The following KL variants were observed in gnomAD, a reference collection of about 807,000 sequenced individuals.
KL encodes alpha-klotho.
KL carries 62 observed loss-of-function variants against 84.2 expected under a neutral mutation model. The observed-to-expected ratio is 0.74, with a 90% CI of 0.60 to 0.91. The LOEUF (loss-of-function observed/expected upper bound fraction) is 0.91. Among genes scored for constraint, KL ranks in the 40% least tolerant of loss-of-function variants. The probability of loss-of-function intolerance (pLI) is 0.00; values close to 1 mark genes in which losing one functional copy is unlikely to be tolerated. For synonymous variants in KL, 528 were observed against 528.0 expected (o/e 1.00, Z 0.00); for missense variants, 1,261 against 1,305.7 (o/e 0.97, Z 0.53).
chr13:33,019,732 TGAGAGAGA>T (rs59216104), intron 1 of KL, among the ~76,000 whole-genome samples: 1 of 133,368 alleles, frequency 7.5e-6, no homozygotes, highest in Non-Finnish European at 1.6e-5. Flanking sequence ...TGTGTGTGTG[TGAGAGAGA>T]GAGAGAGAGA....
At chr13:33,032,948 T>TA (rs139325617) in intron 1 of KL, among the ~76,000 whole-genome samples, 101 of 149,536 alleles carry the variant, frequency 6.8e-4, no homozygotes, top group Admixed American at 6.0e-4. Flanking sequence ...GCCATTGCAT[T>TA]AAAAAAAAAA....
intron 1 of KL, among the ~76,000 whole-genome samples, chr13:33,023,661 T>C (rs1397587774): frequency 1.3e-5 from 2 of 152,180 alleles, no homozygotes; most frequent in Non-Finnish European, 2.9e-5. Flanking sequence ...TAAATATTGA[T>C]TGAACTTTTG....
chr13:33,052,532 TG>T (rs1871793334), intron 1 of KL, among the ~76,000 whole-genome samples: 1 of 152,214 alleles, frequency 6.6e-6, no homozygotes, highest in Admixed American at 6.5e-5. Flanking sequence ...ATAGTAGATA[TG>T]TTCACCAAGA....
At chr13:33,059,411 A>C (rs1197246330) in intron 3 of KL, among the ~76,000 whole-genome samples, 2 of 152,212 alleles carry the variant, frequency 1.3e-5, no homozygotes, top group African/African-American at 4.8e-5. Flanking sequence ...AAATTCCACT[A>C]TGGGTGGATG....
intron 1 of KL, among the ~76,000 whole-genome samples, chr13:33,042,700 G>A (rs545186367): frequency 1.3e-5 from 2 of 151,828 alleles, no homozygotes; most frequent in South Asian, 4.2e-4. Context: ...TTTTAATTGT[G>A]ATGGGGTTTC....
At chr13:33,035,748 C>G (rs1306840601) in intron 1 of KL, among the ~76,000 whole-genome samples, 2 of 152,160 alleles carry the variant, frequency 1.3e-5, no homozygotes, top group Non-Finnish European at 2.9e-5. Flanking sequence ...ATTCTGGTCA[C>G]AAGCTGGATA....
Position 33,054,216 on chromosome 13 carries a change from C to A in KL, c.1269C>A (p.Thr423=). The change falls in exon 2 of 5, where the codon ACC becomes ACA. Residue 423 remains threonine, a synonymous_variant. Transcript: ENST00000380099. Reference sequence around the variant, plus strand: ...ATGGCTGGTTTGTCTCAGGGACCACCAAGAGAGATGATGCCAAATATATGT... The same window carrying A: ...ATGGCTGGTTTGTCTCAGGGACCACAAAGAGAGATGATGCCAAATATATGT... ...VENGWFVSGT[T]KRDDAKYMYY... is the part of the protein sequence containing the mutation. The A allele has an allele frequency of 6.2e-7, 1 of 1,613,498 alleles. No individual in the cohort carries two copies. The highest frequency in any genetic ancestry group is 8.5e-7 in the Non-Finnish European group (1 of 1,179,840).
In KL at chr13:33,064,014, C is replaced by G. The variant is rs1308929263; in HGVS notation, c.2867C>G (p.Pro956Arg). 2.5e-6 allele frequency: 4 copies of G among 1,614,058 alleles called. No homozygotes were observed. The African/African-American group carries it at 5.3e-5, about 22-fold the overall frequency. Residue 956 changes from proline to arginine, a missense_variant, in exon 5 of 5, where the codon CCA (proline) becomes CGA (arginine). Coordinates refer to ENST00000380099, the MANE Select transcript of KL (RefSeq NM_004795.4). ...ATTGACAGCAATGGTTTCCCGGGCC[C>G]AGAAACTCTGGAAAGATTTTGTCCA... is the stretch of plus-strand genomic sequence containing the variant. ...KIIDSNGFPG[P>R]ETLERFCPEE...
At position 33,061,095 on chromosome 13, in the gene KL, G is replaced by C. The variant is rs1872172989; in HGVS notation, c.2016G>C (p.Leu672=). 18 of 1,613,790 alleles carry C rather than the reference G, an allele frequency of 1.1e-5. No homozygotes were observed. The highest frequency in any genetic ancestry group is 1.5e-5 in the Non-Finnish European group (18 of 1,179,848). The stretch of plus-strand genomic sequence containing the variant: ...TGGCCTTTGCAGAGTATGCCCGACT[G>C]TGCTTTCAAGAGCTCGGCCATCACG... The part of the protein sequence containing the change: ...TALAFAEYAR[L]CFQELGHHVK... The change falls in exon 4 of 5, where the codon CTG becomes CTC. Residue 672 remains leucine, a synonymous_variant. Transcript: ENST00000380099.
chr13:33,039,809 A>G (rs965867015), intron 1 of KL, among the ~76,000 whole-genome samples: 1 of 152,186 alleles, frequency 6.6e-6, no homozygotes, highest in Non-Finnish European at 1.5e-5. Context: ...ATGAGGAGTA[A>G]TGAGAAACTG....
At chr13:33,045,756 GGCATGA>G (rs1871505041) in intron 1 of KL, among the ~76,000 whole-genome samples, 1 of 152,176 alleles carries the variant, frequency 6.6e-6, no homozygotes, top group Non-Finnish European at 1.5e-5. Context: ...TGGGATTACA[GGCATGA>G]GCCACCACGC....
intron 1 of KL, among the ~76,000 whole-genome samples, chr13:33,047,338 T>G (rs1351860092): frequency 6.9e-6 from 1 of 145,008 alleles, no homozygotes; most frequent in African/African-American, 2.5e-5. Flanking sequence ...TGAAACTTAC[T>G]TTTCTAAAAT....
chr13:33,036,298 A>G (rs1453601736), intron 1 of KL, among the ~76,000 whole-genome samples: 1 of 152,072 alleles, frequency 6.6e-6, no homozygotes, highest in African/African-American at 2.4e-5. Flanking sequence ...TAAAGTAACC[A>G]TTACTGTCAA....
Position 33,017,027 on chromosome 13 carries a change from T to C in KL, c.587T>C (p.Leu196Pro). 1 of 1,598,230 alleles carries C rather than the reference T, an allele frequency of 6.3e-7. No individual in the cohort carries two copies. The highest frequency in any genetic ancestry group is 8.5e-7 in the Non-Finnish European group (1 of 1,176,174). Reference sequence around the variant, plus strand: ...GTGGTCACCCTGTACCACTGGGACCTGCCCCAGCGCCTGCAGGACGCCTAC... The same window carrying C: ...GTGGTCACCCTGTACCACTGGGACCCGCCCCAGCGCCTGCAGGACGCCTAC... ...QPVVTLYHWD[L>P]PQRLQDAYGG... Residue 196 changes from leucine (L) to proline (P), a missense_variant, in exon 1 of 5, where the codon CTG (leucine) becomes CCG (proline). By Grantham distance (98) the Leu-to-Pro change is moderately conservative. Coordinates refer to ENST00000380099, the MANE Select transcript of KL (RefSeq NM_004795.4).
At chr13:33,031,478 G>A (rs1016628686) in intron 1 of KL, among the ~76,000 whole-genome samples, 1 of 152,020 alleles carries the variant, frequency 6.6e-6, no homozygotes, top group Admixed American at 6.6e-5. Flanking sequence ...TTAATAATGA[G>A]GTCATTATTT....
intron 1 of KL, among the ~76,000 whole-genome samples, chr13:33,019,736 A>T (rs141846502): frequency 0.03 from 2,995 of 100,562 alleles, 98 homozygotes; most frequent in African/African-American, 0.085. Context: ...TGTGTGTGAG[A>T]GAGAGAGAGA....
At chr13:33,052,976 T>C (rs1392044786) in intron 1 of KL, among the ~76,000 whole-genome samples, 3 of 152,208 alleles carry the variant, frequency 2.0e-5, no homozygotes, top group Non-Finnish European at 4.4e-5. Flanking sequence ...GAAAATAAGA[T>C]ATTAGAAGTC....
In KL at chr13:33,016,740, C is replaced by G; in HGVS notation, c.300C>G (p.Pro100=). ...WDTFTHHPLA[P]PGDSRNASLP... ...CGTTCACCCACCACCCCCTGGCACC[C>G]CCGGGAGACTCCCGGAACGCCAGTC... is the stretch of plus-strand genomic sequence containing the variant. The change falls in exon 1 of 5, where the codon CCC becomes CCG. Residue 100 remains proline (P), a synonymous_variant. Transcript: ENST00000380099. The G allele has an allele frequency of 6.2e-7, 1 of 1,611,700 alleles. No homozygotes were observed. Among genetic ancestry groups the G allele is most frequent in the Non-Finnish European group, 8.5e-7 (1 of 1,179,398 alleles).
chr13:33,021,342 T>C (rs1334504524), intron 1 of KL, among the ~76,000 whole-genome samples: 2 of 152,164 alleles, frequency 1.3e-5, no homozygotes, highest in African/African-American at 2.4e-5. Context: ...TATGATTCCA[T>C]TGTGAAAATG....
Sources: allele counts gnomAD v4.1 joint callset (sites outside exome capture counted in the v4.1 genomes callset), GRCh38; gene constraint gnomAD v4.1.1; transcripts MANE v1.5; gene names NCBI Gene and HGNC (gene_info 2026-07-23, HGNC 2026-07-21).